Variants in TRIP12 observed in about 807,000 individuals in gnomAD.
TRIP12 encodes the protein thyroid hormone receptor interactor 12.
Under a neutral mutation model 244.2 loss-of-function variants are expected in TRIP12, and 25 were observed. The ratio of observed to expected loss-of-function variants is 0.10; its 90% CI spans 0.07 to 0.14. The LOEUF (loss-of-function observed/expected upper bound fraction) is 0.14, where lower values mean the gene tolerates loss of function less well. TRIP12 is among the 10% of genes least tolerant of loss of function. The probability of loss-of-function intolerance (pLI) is 1.00; values close to 1 mark genes in which losing one functional copy is unlikely to be tolerated. For missense variants in TRIP12, 1,677 were observed against 2,486.4 expected (o/e 0.67, Z 6.92); for synonymous variants, 905 against 873.1 (o/e 1.04, Z -0.64).
intron 1 of TRIP12, among the ~76,000 whole-genome samples, chr2:229,897,943 C>T (rs1478198005): frequency 6.6e-6 from 1 of 152,180 alleles, no homozygotes; most frequent in African/African-American, 2.4e-5. Flanking sequence ...AACAAACAAC[C>T]TATGATGGAC....
At chr2:229,784,240 T>C (rs2039291240) in intron 34 of TRIP12, among the ~76,000 whole-genome samples, 2 of 150,270 alleles carry the variant, frequency 1.3e-5, no homozygotes, top group African/African-American at 4.9e-5. Flanking sequence ...TAGAAAGAGA[T>C]CCAGACATCA....
Position 229,777,498 on chromosome 2 carries a change from A to G in TRIP12, c.5365-19T>C, listed in dbSNP as rs773314522. ...GGTCCACCTGAAATGGAATATGCAT[A>G]ATATTTTCACTGTCACACTGAACTT... is the stretch of plus-strand genomic sequence containing the variant. On this transcript the variant is annotated intron_variant, in intron 36 of 41. Coordinates refer to ENST00000675903, the MANE Select transcript of TRIP12 (RefSeq NM_001348323.3). The G allele has an allele frequency of 5.0e-6, 8 of 1,612,802 alleles. No individual in the cohort carries two copies. In the African/African-American group the frequency reaches 5.3e-5, roughly 11 times the overall value.
At chr2:229,905,114 A>T (rs2072322158) in intron 1 of TRIP12, among the ~76,000 whole-genome samples, 1 of 152,196 alleles carries the variant, frequency 6.6e-6, no homozygotes, top group African/African-American at 2.4e-5. Flanking sequence ...GTCTCTACTA[A>T]AAATACAAAA....
At chr2:229,833,919 G>A (rs140431643) in intron 6 of TRIP12, among the ~76,000 whole-genome samples, 51 of 152,240 alleles carry the variant, frequency 3.3e-4, no homozygotes, top group African/African-American at 1.0e-3. Flanking sequence ...AATTTAAGTA[G>A]TAGTATAGAG....
intron 1 of TRIP12, among the ~76,000 whole-genome samples, chr2:229,904,414 T>TC (rs2072044841): frequency 3.4e-5 from 1 of 29,004 alleles, no homozygotes; most frequent in South Asian, 1.3e-3. Context: ...AGACTCCATC[T>TC]CCAAAAAAAA....
chr2:229,768,781 C>A (rs1210744787), intron 40 of TRIP12, 62 bp from the exon 41 acceptor site: 1 of 1,409,722 alleles, frequency 7.1e-7, no homozygotes, highest in Non-Finnish European at 9.6e-7. Context: ...TTTAATCACA[C>A]TGCATCGCAT....
chr2:229,830,936 G>C, intron 6 of TRIP12, 97 bp from the exon 7 acceptor site: 1 of 993,832 alleles, frequency 1.0e-6, no homozygotes, highest in Non-Finnish European at 1.6e-6. Context: ...GACTACAATT[G>C]AATAAAGGCA....
chr2:229,799,700 G>A (rs916286972), intron 21 of TRIP12, among the ~76,000 whole-genome samples: 4 of 151,980 alleles, frequency 2.6e-5, no homozygotes, highest in Non-Finnish European at 4.4e-5. Context: ...GCGTGAACCC[G>A]GGAGGCGGAG....
At chr2:229,921,592 G>A (rs1345296322) in intron 1 of TRIP12, 1 of 151,730 alleles carries the variant, frequency 6.6e-6, no homozygotes, top group Non-Finnish European at 1.5e-5. Context: ...CCTCCTCATT[G>A]CGGGAAGCCG....
At chr2:229,842,518 T>C (rs1016407650) in intron 4 of TRIP12, among the ~76,000 whole-genome samples, 7 of 152,190 alleles carry the variant, frequency 4.6e-5, no homozygotes, top group South Asian at 2.1e-4. Context: ...TAAGTTAAAG[T>C]AGACTTACGA....
Position 229,811,843 on chromosome 2 carries a change from T to A in TRIP12, c.1987-639A>T, listed in dbSNP as rs79589724. On this transcript the variant is annotated intron_variant, in intron 13 of 41. Transcript: ENST00000675903. ...GATTTTTCCTAACTTGAAAGTGGAATTTTCATATGTAAAAATTAGACTTGT... is the reference window on the plus strand; with the variant it reads ...GATTTTTCCTAACTTGAAAGTGGAAATTTCATATGTAAAAATTAGACTTGT... Among the ~76,000 whole-genome samples, 214 of 152,276 alleles carry A rather than the reference T, an allele frequency of 1.4e-3. 5 individuals carry two copies. The East Asian group carries it at 0.037, about 26-fold the overall frequency.
intron 2 of TRIP12, among the ~76,000 whole-genome samples, chr2:229,866,681 C>A (rs9288651): frequency 6.6e-6 from 1 of 151,986 alleles, no homozygotes; most frequent in Admixed American, 6.6e-5. Flanking sequence ...CAAGTCCCAA[C>A]AGGGCACATA....
chr2:229,811,158 A>C lies in TRIP12; in HGVS notation c.2033T>G (p.Val678Gly). ...TACCTCCTCATGCTGGAAGTTGTCCACTAGGCGTGCAAAACAAAGGCAAGT... is the reference window on the plus strand; with the variant it reads ...TACCTCCTCATGCTGGAAGTTGTCCCCTAGGCGTGCAAAACAAAGGCAAGT... ...ESTCLCFARL[V>G]DNFQHEENLL... Residue 678 changes from valine to glycine, a missense_variant, in exon 14 of 42, where the codon GTG becomes GGG. Coordinates refer to ENST00000675903, the MANE Select transcript of TRIP12 (RefSeq NM_001348323.3). The C allele has an allele frequency of 6.2e-7, 1 of 1,614,100 alleles. No individual in the cohort carries two copies. Among genetic ancestry groups the C allele is most frequent in the Non-Finnish European group, 8.5e-7 (1 of 1,180,002 alleles).
chr2:229,812,273 G>A (rs948027842), intron 13 of TRIP12, among the ~76,000 whole-genome samples: 1 of 151,988 alleles, frequency 6.6e-6, no homozygotes, highest in Non-Finnish European at 1.5e-5. Context: ...TACAGATGGG[G>A]TTTCAGCATG....
At chr2:229,818,614 T>A in intron 8 of TRIP12, 102 bp from the exon 9 acceptor site, 1 of 1,109,550 alleles carries the variant, frequency 9.0e-7, no homozygotes, top group Non-Finnish European at 1.3e-6. Flanking sequence ...CTTCTTTGCA[T>A]CCTAATGAAA....
chr2:229,847,098 G>A (rs1005548405), intron 4 of TRIP12, among the ~76,000 whole-genome samples: 3 of 152,138 alleles, frequency 2.0e-5, no homozygotes, highest in Admixed American at 1.3e-4. Context: ...TATCTAAAAA[G>A]AATATAACCA....
intron 8 of TRIP12, among the ~76,000 whole-genome samples, chr2:229,822,479 G>A (rs2050334832): frequency 6.6e-6 from 1 of 152,170 alleles, no homozygotes; most frequent in Non-Finnish European, 1.5e-5. Flanking sequence ...GGTGAAATGA[G>A]TCATACCAAA....
intron 34 of TRIP12, among the ~76,000 whole-genome samples, chr2:229,781,883 T>G (rs1045063215): frequency 3.9e-5 from 6 of 152,114 alleles, no homozygotes; most frequent in Non-Finnish European, 5.9e-5. Context: ...TCCTGGAATC[T>G]TTTCCGAGGT....
At chr2:229,788,599 A>C (rs2040659436) in intron 32 of TRIP12, among the ~76,000 whole-genome samples, 199 bp downstream of exon 32, 1 of 152,230 alleles carries the variant, frequency 6.6e-6, no homozygotes, top group Admixed American at 6.5e-5. Context: ...ATACATAGAC[A>C]CATACTACCA....
Sources: allele counts gnomAD v4.1 joint callset (sites outside exome capture counted in the v4.1 genomes callset), GRCh38; gene constraint gnomAD v4.1.1; transcripts MANE v1.5; gene names NCBI Gene and HGNC (gene_info 2026-07-23, HGNC 2026-07-21).